Variants in PLPPR1 observed in about 807,000 individuals in gnomAD.
PLPPR1 encodes phospholipid phosphatase-related protein type 1.
Under a neutral mutation model 33.1 loss-of-function variants are expected in PLPPR1, and 10 were observed. The ratio of observed to expected loss-of-function variants is 0.30; its 90% confidence interval spans 0.19 to 0.51. PLPPR1 has a LOEUF of 0.51. Among genes scored for constraint, PLPPR1 ranks in the 20% least tolerant of loss-of-function variants. The pLI is 0.97. For synonymous variants in PLPPR1, 151 were observed against 151.0 expected, an observed-to-expected ratio of 1.00 and a Z score of 0.00; for missense variants, 304 against 408.1, an observed-to-expected ratio of 0.74 and a Z score of 2.20.
chr9:101,153,973 G>A (rs897031204), intron 1 of PLPPR1, among the ~76,000 whole-genome samples: 4 of 152,072 alleles, frequency 2.6e-5, no homozygotes, highest in African/African-American at 9.7e-5. Context: ...ATGATCATGT[G>A]CTTTTGGTCT....
intron 2 of PLPPR1, among the ~76,000 whole-genome samples, chr9:101,216,959 G>A (rs1208278459): frequency 2.6e-5 from 4 of 152,028 alleles, no homozygotes; most frequent in Admixed American, 1.3e-4. Flanking sequence ...AAATTGACCA[G>A]TTATATATAA....
intron 1 of PLPPR1, among the ~76,000 whole-genome samples, chr9:101,112,571 C>A (rs1245794606): frequency 6.6e-6 from 1 of 152,194 alleles, no homozygotes; most frequent in South Asian, 2.1e-4. Flanking sequence ...TCCTGGCATG[C>A]AGTAATTCCT....
intron 2 of PLPPR1, among the ~76,000 whole-genome samples, chr9:101,225,615 G>A (rs1003765606): frequency 7.9e-5 from 12 of 152,100 alleles, no homozygotes; most frequent in African/African-American, 2.7e-4. Context: ...AACAAAGAAA[G>A]AAGGACCCAA....
chr9:101,257,464 TA>T (rs1212805858), intron 2 of PLPPR1, among the ~76,000 whole-genome samples: 1 of 152,124 alleles, frequency 6.6e-6, no homozygotes, highest in African/African-American at 2.4e-5. Context: ...TCCTTTCCCT[TA>T]GGGCCTCACA....
chr9:101,197,949 T>C (rs1826428319), intron 2 of PLPPR1, among the ~76,000 whole-genome samples: 1 of 152,160 alleles, frequency 6.6e-6, no homozygotes, highest in Admixed American at 6.5e-5. Flanking sequence ...TTACAAGACA[T>C]TCTATGTGGT....
intron 2 of PLPPR1, among the ~76,000 whole-genome samples, chr9:101,192,546 G>A (rs761249784): frequency 1.3e-5 from 2 of 152,080 alleles, no homozygotes; most frequent in African/African-American, 2.4e-5. Context: ...GAAAAAAAAC[G>A]TGGCTGTACC....
chr9:101,189,180 A>T (rs1003210823), intron 2 of PLPPR1, among the ~76,000 whole-genome samples: 7 of 152,276 alleles, frequency 4.6e-5, no homozygotes, highest in Admixed American at 2.0e-4. Context: ...ATGAGACATC[A>T]ATCAAATACA....
chr9:101,037,424 C>T (rs1830022446), intron 1 of PLPPR1, among the ~76,000 whole-genome samples: 1 of 152,086 alleles, frequency 6.6e-6, no homozygotes, highest in Admixed American at 6.6e-5. Context: ...AATGTGTTTG[C>T]ATGGCTCTCT....
At chr9:101,223,150 A>G (rs1172493549) in intron 2 of PLPPR1, among the ~76,000 whole-genome samples, 1 of 66,218 alleles carries the variant, frequency 1.5e-5, no homozygotes, top group African/African-American at 7.5e-5. Flanking sequence ...CATCTCTACA[A>G]AAAAAAAAAA....
intron 1 of PLPPR1, among the ~76,000 whole-genome samples, chr9:101,067,214 C>T (rs1319265761): frequency 4.3e-5 from 6 of 138,390 alleles, no homozygotes; most frequent in African/African-American, 1.7e-4. Flanking sequence ...TATAATATTT[C>T]TGTCTCAGTA....
At chr9:101,194,299 C>T (rs1826354110) in intron 2 of PLPPR1, among the ~76,000 whole-genome samples, 1 of 152,142 alleles carries the variant, frequency 6.6e-6, no homozygotes, top group African/African-American at 2.4e-5. Flanking sequence ...ATAATAAAAG[C>T]ATAACTGATA....
chr9:101,223,148 CAAAAAAAAA>C (rs869205435), intron 2 of PLPPR1, among the ~76,000 whole-genome samples: 1 of 23,722 alleles, frequency 4.2e-5, no homozygotes, highest in Non-Finnish European at 8.8e-5. Flanking sequence ...CCCATCTCTA[CAAAAAAAAA>C]AAAAAAAAAA....
intron 1 of PLPPR1, among the ~76,000 whole-genome samples, chr9:101,069,495 C>T (rs1000750710): frequency 2.6e-5 from 4 of 152,152 alleles, no homozygotes; most frequent in African/African-American, 7.2e-5. Flanking sequence ...CCCAGTGATA[C>T]GTTTCTGAGT....
chr9:101,237,683 T>G (rs1827333300), intron 2 of PLPPR1, among the ~76,000 whole-genome samples: 1 of 145,302 alleles, frequency 6.9e-6, no homozygotes. Flanking sequence ...TATATACATA[T>G]ATATATAGCC....
intron 1 of PLPPR1, among the ~76,000 whole-genome samples, chr9:101,089,247 G>A (rs1175940635): frequency 6.6e-6 from 1 of 151,982 alleles, no homozygotes; most frequent in African/African-American, 2.4e-5. Context: ...AAAAAGTTAA[G>A]GGACTTGCCC....
At chr9:101,063,346 C>A (rs1298379766) in intron 1 of PLPPR1, among the ~76,000 whole-genome samples, 1 of 152,022 alleles carries the variant, frequency 6.6e-6, no homozygotes, top group African/African-American at 2.4e-5. Context: ...TTTCACAGAT[C>A]CTTTATGTGT....
intron 1 of PLPPR1, among the ~76,000 whole-genome samples, chr9:101,112,985 C>A (rs1482282142): frequency 6.6e-6 from 1 of 152,150 alleles, no homozygotes; most frequent in East Asian, 1.9e-4. Context: ...TGGATTCTTT[C>A]TTCTAGTTTT....
Position 101,167,141 on chromosome 9 carries a change from G to GGTGTGTGTGTGT in PLPPR1, c.-45-18278_-45-18267dup, listed in dbSNP as rs756843224. 5.8e-3 allele frequency among the ~76,000 whole-genome samples: 230 copies of GGTGTGTGTGTGT among 39,740 alleles called. 14 individuals carry two copies. The highest frequency in any genetic ancestry group is 0.017 in the South Asian group (11 of 630). 26.1% of individuals were successfully genotyped at this position (39,740 alleles called of 152,430 possible). ...TGCTGTCTCTGTCTTTATGTCTCTCGGTGTGTGTGTGTGTGTGTGTGTGTG... is the reference window on the plus strand; with the variant it reads ...TGCTGTCTCTGTCTTTATGTCTCTCGGTGTGTGTGTGTGTGTGTGTGTGTGTGTGTGTGTGTG... On this transcript the variant is annotated intron_variant, in intron 1 of 7. Transcript: ENST00000374874.
At chr9:101,119,389 C>A (rs763745147) in intron 1 of PLPPR1, among the ~76,000 whole-genome samples, 1 of 152,196 alleles carries the variant, frequency 6.6e-6, no homozygotes, top group Non-Finnish European at 1.5e-5. Flanking sequence ...AGAGCAAACC[C>A]TGGCCATCAG....
Sources: gnomAD v4.1 joint callset for allele counts (sites outside exome capture counted in the v4.1 genomes callset) on GRCh38, gnomAD v4.1.1 for gene constraint, MANE v1.5 for transcripts, NCBI Gene and HGNC (gene_info 2026-07-23, HGNC 2026-07-21) for gene names.